SLC26A5: variants seen among roughly 807,000 people sequenced by gnomAD.
The protein encoded by SLC26A5 is solute carrier family 26 member 5.
Under a neutral mutation model 81.0 loss-of-function variants are expected in SLC26A5, and 51 were observed. The observed-to-expected ratio is 0.63, with a 90% CI of 0.50 to 0.80. The LOEUF (loss-of-function observed/expected upper bound fraction) is 0.80. SLC26A5 is among the 30% of genes least tolerant of loss of function. The pLI is 0.00. For synonymous variants in SLC26A5, 325 were observed against 332.8 expected (o/e 0.98, Z 0.25); for missense variants, 771 against 905.8 (o/e 0.85, Z 1.91).
At chr7:103,375,467 C>T (rs1334228328) in intron 19 of SLC26A5, among the ~76,000 whole-genome samples, 1 of 152,186 alleles carries the variant, frequency 6.6e-6, no homozygotes, top group Non-Finnish European at 1.5e-5. Flanking sequence ...TCAGTAATGT[C>T]TGAGAGAGCC....
chr7:103,426,140 C>T (rs916514205), intron 2 of SLC26A5, among the ~76,000 whole-genome samples: 1 of 152,202 alleles, frequency 6.6e-6, no homozygotes, highest in Non-Finnish European at 1.5e-5. Context: ...TTAGGTTTCT[C>T]AAGCAAAGTC....
At chr7:103,386,767 C>A (rs28721472) in intron 14 of SLC26A5, among the ~76,000 whole-genome samples, 1 of 150,678 alleles carries the variant, frequency 6.6e-6, no homozygotes, top group Non-Finnish European at 1.5e-5. Context: ...ATTTTTTTTT[C>A]TTTTTCTTTT....
At position 103,446,190 on chromosome 7, in the gene SLC26A5, G is replaced by A. The variant is rs1827304333; in HGVS notation, c.-275C>T. The A allele has an allele frequency of 6.6e-6, 1 of 151,318 alleles. No homozygotes were observed. The highest frequency in any genetic ancestry group is 1.5e-5 in the Non-Finnish European group (1 of 67,780). 9.4% of individuals were successfully genotyped at this position (151,318 alleles called of 1,614,324 possible). A position where few individuals can be genotyped will look rare whatever the true frequency, so the allele number is the denominator to read the frequency against. The stretch of plus-strand genomic sequence containing the variant: ...GCTGCCTCCAGGTGCGGCTCTAGGA[G>A]GAGGCGCCGCGGGCAGTGCCGGCCG... On this transcript the variant is annotated 5_prime_UTR_variant, in exon 1 of 20. Coordinates refer to ENST00000306312, the MANE Select transcript of SLC26A5 (RefSeq NM_198999.3).
At chr7:103,436,280 G>C (rs540431856) in intron 2 of SLC26A5, among the ~76,000 whole-genome samples, 1 of 152,208 alleles carries the variant, frequency 6.6e-6, no homozygotes, top group African/African-American at 2.4e-5. Flanking sequence ...AGACGAAAGC[G>C]CAAGTTAGGT....
intron 8 of SLC26A5, among the ~76,000 whole-genome samples, chr7:103,399,681 C>G (rs1406611712): frequency 6.6e-6 from 1 of 152,188 alleles, no homozygotes; most frequent in Non-Finnish European, 1.5e-5. Context: ...CATCAACCAT[C>G]ATCTACATTA....
intron 9 of SLC26A5, among the ~76,000 whole-genome samples, chr7:103,396,521 G>A (rs896750187): frequency 1.3e-5 from 2 of 152,188 alleles, no homozygotes; most frequent in African/African-American, 4.8e-5. Flanking sequence ...ACTGTCATAT[G>A]CTACAATATA....
chr7:103,403,911 G>A (rs868469841), intron 8 of SLC26A5, among the ~76,000 whole-genome samples: 34 of 152,112 alleles, frequency 2.2e-4, no homozygotes, highest in Middle Eastern at 6.8e-3. Flanking sequence ...GGCCAGGTGC[G>A]GTGGCTCACG....
rs995801661 is a variant in SLC26A5, at chr7:103,361,529, A to G, written c.2042-8603T>C. Among the ~76,000 whole-genome samples, 292 of 151,232 alleles carry G rather than the reference A, an allele frequency of 1.9e-3. 2 individuals carry two copies. The highest frequency in any genetic ancestry group is 0.016 in the South Asian group (77 of 4,798). On this transcript the variant is annotated intron_variant, in intron 19 of 19. Transcript: ENST00000339444. Reference sequence around the variant, plus strand: ...CCATCTCAAAAAAAAAAAAAAAAAAAAAAAGAAAAACGGATTTAAAGTATA... The same window carrying G: ...CCATCTCAAAAAAAAAAAAAAAAAAGAAAAGAAAAACGGATTTAAAGTATA...
At chr7:103,353,431 T>C (rs1734696770) in intron 19 of SLC26A5, among the ~76,000 whole-genome samples, 1 of 152,152 alleles carries the variant, frequency 6.6e-6, no homozygotes, top group South Asian at 2.1e-4. Flanking sequence ...TTCAGCCTCC[T>C]GAGTAGCTGG....
intron 9 of SLC26A5, 113 bp from the exon 10 acceptor site, chr7:103,393,179 A>G (rs772884198): frequency 1.6e-5 from 21 of 1,298,190 alleles, no homozygotes; most frequent in Admixed American, 6.2e-5. Context: ...TGAAGTAATC[A>G]ATGCTTGGAT....
chr7:103,381,656 C>T (rs539232316), intron 14 of SLC26A5, among the ~76,000 whole-genome samples: 5 of 151,010 alleles, frequency 3.3e-5, no homozygotes, highest in Non-Finnish European at 7.4e-5. Flanking sequence ...CATATATGCA[C>T]ACACTACACA....
intron 2 of SLC26A5, among the ~76,000 whole-genome samples, chr7:103,432,478 G>A (rs1040309331): frequency 5.9e-5 from 9 of 151,834 alleles, no homozygotes; most frequent in African/African-American, 2.2e-4. Context: ...ATCTACTTTT[G>A]GCTCTAATAC....
intron 18 of SLC26A5, among the ~76,000 whole-genome samples, chr7:103,377,379 A>G (rs1821428464): frequency 6.6e-6 from 1 of 152,230 alleles, no homozygotes; most frequent in South Asian, 2.1e-4. Flanking sequence ...CTATAAAGGA[A>G]ACCAGATTGA....
intron 12 of SLC26A5, among the ~76,000 whole-genome samples, chr7:103,389,904 G>A (rs1225649994): frequency 1.3e-5 from 2 of 152,102 alleles, no homozygotes; most frequent in Non-Finnish European, 2.9e-5. Context: ...CCAATTACAG[G>A]TGTGAGCCAC....
At chr7:103,412,895 G>T in intron 5 of SLC26A5, 107 bp downstream of exon 5, 2 of 857,562 alleles carry the variant, frequency 2.3e-6, no homozygotes, top group Non-Finnish European at 3.9e-6. Context: ...AGTAACAAAA[G>T]TTGTTATTAA....
At position 103,389,396 on chromosome 7, in the gene SLC26A5, T is replaced by A. The variant is rs749141441; in HGVS notation, c.1340A>T (p.Asn447Ile). 3 of 1,614,042 alleles carry A rather than the reference T, an allele frequency of 1.9e-6. No individual in the cohort carries two copies. The highest frequency in any genetic ancestry group is 2.5e-6 in the Non-Finnish European group (3 of 1,179,974). The part of the protein sequence containing the change: ...QAVLSAIVIV[N>I]LKGMFMQFSD... ...GAACTGCATAAACATTCCCTTCAGG[T>A]TGACAATCACAATGGCCGACAGCAC... The change falls in exon 13 of 20, where the codon AAC becomes ATC. Residue 447 changes from asparagine to isoleucine, a missense_variant. Asn to Ile is a moderately radical substitution (Grantham distance 149, BLOSUM62 -3). Transcript: ENST00000306312.
Position 103,389,031 on chromosome 7 carries a change from C to A in SLC26A5, c.1491G>T (p.Leu497=). ...ACCTCTGTGTTCTGTAAATCACAGT[C>A]AGCAGAGCAATGATCACAGCAGTGA... is the stretch of plus-strand genomic sequence containing the variant. The part of the protein sequence containing the change: ...GLITAVIIAL[L]TVIYRTQSPS... The change falls in exon 14 of 20, where the codon CTG becomes CTT. Residue 497 remains leucine, a synonymous_variant. Coordinates refer to ENST00000306312, the MANE Select transcript of SLC26A5 (RefSeq NM_198999.3). 1.2e-6 allele frequency: 2 copies of A among 1,613,046 alleles called. No individual in the cohort carries two copies. The highest frequency in any genetic ancestry group is 2.2e-5 in the South Asian group (2 of 90,908).
chr7:103,391,090 C>T (rs1485885449), intron 11 of SLC26A5, among the ~76,000 whole-genome samples: 2 of 152,186 alleles, frequency 1.3e-5, no homozygotes, highest in African/African-American at 4.8e-5. Context: ...GTCTCGATCT[C>T]TTGACCTCAT....
chr7:103,358,371 A>G (rs1028627749), intron 19 of SLC26A5, among the ~76,000 whole-genome samples: 2 of 152,082 alleles, frequency 1.3e-5, no homozygotes, highest in African/African-American at 2.4e-5. Context: ...TAGTAAGGCA[A>G]ATCTTCTTGA....
Sources: allele counts gnomAD v4.1 joint callset (sites outside exome capture counted in the v4.1 genomes callset), GRCh38; gene constraint gnomAD v4.1.1; transcripts MANE v1.5; gene names NCBI Gene and HGNC (gene_info 2026-07-23, HGNC 2026-07-21).